The following INTS1 variants were observed in gnomAD, a reference collection of about 807,000 sequenced individuals.
INTS1 encodes the protein integrator complex subunit 1.
Under a neutral mutation model 241.6 loss-of-function variants are expected in INTS1, and 137 were observed. That is an observed-to-expected ratio of 0.57 (90% confidence interval 0.49 to 0.65). The LOEUF (loss-of-function observed/expected upper bound fraction) is 0.65. Ranked by LOEUF, INTS1 falls within the 30% of genes least tolerant of loss-of-function variation. The probability of loss-of-function intolerance (pLI) is 0.00; values close to 1 mark genes in which losing one functional copy is unlikely to be tolerated. For synonymous variants in INTS1, 1,692 were observed against 1,337.8 expected, an observed-to-expected ratio of 1.26 and a Z score of -5.78; for missense variants, 3,073 against 3,032.2, an observed-to-expected ratio of 1.01 and a Z score of -0.32.
chr7:1,494,438 G>T, intron 14 of INTS1: 1 of 329,236 alleles, frequency 3.0e-6, no homozygotes, highest in Non-Finnish European at 5.9e-6. Context: ...GAGCTGTGAG[G>T]CCAGCCGGCT....
At chr7:1,488,722 T>C (rs991174433) in intron 18 of INTS1, among the ~76,000 whole-genome samples, 4 of 152,166 alleles carry the variant, frequency 2.6e-5, no homozygotes, top group African/African-American at 7.2e-5. Context: ...CCACTGCCCT[T>C]GGTGTGGTGC....
chr7:1,473,180 G>C lies in INTS1; in HGVS notation c.5962C>G (p.Leu1988Val), dbSNP rs754715231. 2 of 1,607,742 alleles carry C rather than the reference G, an allele frequency of 1.2e-6. No individual in the cohort carries two copies. Among genetic ancestry groups the C allele is most frequent in the East Asian group, 4.5e-5 (2 of 44,816 alleles). ...ACCAGGTCACTGTTGTCGAAGGACA[G>C]GTCGCTGGGGAGAGAAGATGCTTTC... ...LQKHADPLHD[L>V]SFDNSDLVML... Residue 1988 changes from leucine to valine, a missense_variant, in exon 43 of 48, where the codon CTG becomes GTG. Leu to Val is a conservative substitution (Grantham distance 32, BLOSUM62 1). Coordinates refer to ENST00000404767, the MANE Select transcript of INTS1 (RefSeq NM_001080453.3).
At position 1,498,566 on chromosome 7, in the gene INTS1, A is replaced by G; in HGVS notation, c.1284-13T>C. 1 of 1,613,144 alleles carries G rather than the reference A, an allele frequency of 6.2e-7. No individual in the cohort carries two copies. Among genetic ancestry groups the G allele is most frequent in the East Asian group, 2.2e-5 (1 of 44,870 alleles). On this transcript the variant is annotated splice_polypyrimidine_tract_variant and intron_variant, in intron 9 of 47. Coordinates refer to ENST00000404767, the MANE Select transcript of INTS1 (RefSeq NM_001080453.3). ...GCTCAGCAGCTCCCTGGGTGAGGTG[A>G]GGGTACAGACCCTGTCCCCGCTACG...
rs775866600 is a variant in INTS1 at position 1,480,340 on chromosome 7, C to T, written c.4051G>A (p.Asp1351Asn). 2.4e-5 allele frequency: 39 copies of T among 1,610,016 alleles called. 1 individual carries two copies. In the South Asian group the frequency reaches 3.7e-4, roughly 15 times the overall value. ...TQLRVLGPED[D>N]LAGMFLQIFP... ...ACCTGGAGGAACATGCCAGCCAGGT[C>T]GTCCTCAGGGCCCAGCACCCGGAGC... is the stretch of plus-strand genomic sequence containing the variant. Residue 1351 changes from aspartate (D) to asparagine (N), a missense_variant, in exon 30 of 48, where the codon GAC becomes AAC. Asp to Asn is a conservative substitution (Grantham distance 23). Coordinates refer to ENST00000404767, the MANE Select transcript of INTS1 (RefSeq NM_001080453.3).
chr7:1,493,627 G>A lies in INTS1; in HGVS notation c.2068+127C>T, dbSNP rs980075429. On this transcript the variant is annotated intron_variant, in intron 15 of 47. Transcript: ENST00000404767. This position sits in a 1 kb window ranked among gnomAD's most constrained non-coding sequence, Gnocchi z 5.3. ...GAGAAGGCAGGTCCCCGAGCCTCCC[G>A]GGGACCCAGGACCCAGCTGAAGCGC... The A allele has an allele frequency of 1.7e-5, 22 of 1,279,378 alleles. No homozygotes were observed. Among genetic ancestry groups the A allele is most frequent in the African/African-American group, 7.6e-5 (5 of 65,844 alleles). The allele number at this position is 1,279,378 out of a possible 1,614,324, so 79.3% of individuals were successfully genotyped here.
intron 46 of INTS1, 52 bp from the exon 47 acceptor site, chr7:1,471,007 A>G: frequency 6.6e-7 from 1 of 1,520,374 alleles, no homozygotes; most frequent in Middle Eastern, 1.7e-4. Flanking sequence ...CCCACGCCAG[A>G]CCCCCACCCG....
intron 16 of INTS1, 116 bp from the exon 17 acceptor site, chr7:1,489,798 G>A (rs1782460692): frequency 1.4e-6 from 1 of 693,492 alleles, no homozygotes; most frequent in Non-Finnish European, 2.4e-6. Flanking sequence ...GCTCCTCCCG[G>A]GACTGCCCTC....
chr7:1,476,164 G>C (rs1054294911), intron 38 of INTS1, 65 bp downstream of exon 38: 10 of 1,526,122 alleles, frequency 6.6e-6, no homozygotes, highest in Admixed American at 2.0e-5. Context: ...CCCACCCAGG[G>C]CTGGGCCTCG....
rs200718471 is a variant in INTS1, at chr7:1,503,064, C to T, written c.186G>A (p.Ala62=). The change falls in exon 3 of 48, where the codon GCG becomes GCA. Residue 62 remains alanine, a synonymous_variant. Transcript: ENST00000404767. ...GGGCCGAGGCACTGGACAACGCGGC[C>T]GCCGCATCCCGCTTGCGCTCAGAAG... is the stretch of plus-strand genomic sequence containing the variant. ...GLPSERKRDA[A]AALSSASALT... 88 of 1,612,784 alleles carry T rather than the reference C, an allele frequency of 5.5e-5. No individual in the cohort carries two copies. The highest frequency in any genetic ancestry group is 4.0e-4 in the Admixed American group (24 of 59,978).
At position 1,471,653 on chromosome 7, in the gene INTS1, A is replaced by AG. The variant is rs1377052158; in HGVS notation, c.6185-13dup. On this transcript the variant is annotated splice_polypyrimidine_tract_variant and intron_variant, in intron 44 of 47. Coordinates refer to ENST00000404767, the MANE Select transcript of INTS1 (RefSeq NM_001080453.3). ...AACCTCCAGCAGATCTGACACAGAGAGAGGGCCAGACCAGAACTGAAGGGC... is the reference window on the plus strand; with the variant it reads ...AACCTCCAGCAGATCTGACACAGAGAGGAGGGCCAGACCAGAACTGAAGGGC... 6.2e-7 allele frequency: 1 copy of AG among 1,607,072 alleles called. No individual in the cohort carries two copies. The highest frequency in any genetic ancestry group is 1.4e-5 in the African/African-American group (1 of 70,584).
At position 1,470,576 on chromosome 7, in the gene INTS1, C is replaced by T. The variant is rs200645646; in HGVS notation, c.*1G>A. ...TTGGAGGGGGGTCGGCTGCCACAGG[C>T]TCACATCACGGCCTCCATATGCAGG... On this transcript the variant is annotated 3_prime_UTR_variant, in exon 48 of 48. Coordinates refer to ENST00000404767, the MANE Select transcript of INTS1 (RefSeq NM_001080453.3). 4.5e-6 allele frequency: 7 copies of T among 1,553,358 alleles called. No homozygotes were observed. Among genetic ancestry groups the T allele is most frequent in the East Asian group, 2.4e-5 (1 of 41,864 alleles).
chr7:1,504,238 G>A (rs1174475751), intron 1 of INTS1, 85 bp downstream of exon 1: 14 of 564,390 alleles, frequency 2.5e-5, no homozygotes, highest in Non-Finnish European at 3.5e-5. Context: ...AACCAGAAGG[G>A]ACGGCCCAGA....
In INTS1 at chr7:1,486,915, C is replaced by T; in HGVS notation, c.2826+7G>A. The T allele has an allele frequency of 6.3e-7, 1 of 1,591,786 alleles. No homozygotes were observed. Among genetic ancestry groups the T allele is most frequent in the South Asian group, 1.1e-5 (1 of 89,480 alleles). The stretch of plus-strand genomic sequence containing the variant: ...GGCGGGGGGGCTGAGGGGTGGGCGG[C>T]CCTGACCTGCCGCTTCTTGGCCTTC... On this transcript the variant is annotated splice_region_variant and intron_variant, in intron 21 of 47. Transcript: ENST00000404767.
rs746857576 is a variant in INTS1 at position 1,478,495 on chromosome 7, GC to G, written c.4500del (p.Leu1501SerfsTer28). 1.2e-6 allele frequency: 2 copies of G among 1,610,780 alleles called. No individual in the cohort carries two copies. The highest frequency in any genetic ancestry group is 1.7e-6 in the Non-Finnish European group (2 of 1,179,502). The part of the protein sequence containing the change: ...AGRRLSDVRG[G>X]LLRLAEALAF... Reference sequence around the variant, plus strand: ...GCCAGGGCCTCGGCCAGGCGCAGGAGCCCCCCTCGCACTGTGGGAGGTCTGT... The same window carrying G: ...GCCAGGGCCTCGGCCAGGCGCAGGAGCCCCCTCGCACTGTGGGAGGTCTGT... On this transcript the variant is annotated frameshift_variant, in exon 33 of 48. Coordinates refer to ENST00000404767, the MANE Select transcript of INTS1 (RefSeq NM_001080453.3). LOFTEE classifies it high-confidence loss of function.
At chr7:1,471,051 T>C in intron 46 of INTS1, 82 bp downstream of exon 46, 1 of 1,511,748 alleles carries the variant, frequency 6.6e-7, no homozygotes, top group Admixed American at 2.0e-5. Flanking sequence ...AAGCCTGGTC[T>C]GGCCACCAGG....
At chr7:1,471,900 T>C (rs768908215) in intron 44 of INTS1, 12 of 582,118 alleles carry the variant, frequency 2.1e-5, no homozygotes, top group Admixed American at 6.0e-5. Flanking sequence ...TAGCACCAAG[T>C]GTCCCCACGG....
chr7:1,499,207 C>G, intron 7 of INTS1, 46 bp from the exon 8 acceptor site: 2 of 1,602,588 alleles, frequency 1.2e-6, no homozygotes, highest in Non-Finnish European at 8.5e-7. Context: ...GGCCCCGAGG[C>G]GCCCGCCCCC....
chr7:1,470,649 C>G lies in INTS1; in HGVS notation c.6501G>C (p.Met2167Ile), dbSNP rs958962447. 6.3e-7 allele frequency: 1 copy of G among 1,586,238 alleles called. No homozygotes were observed. Among genetic ancestry groups the G allele is most frequent in the Non-Finnish European group, 8.6e-7 (1 of 1,167,160 alleles). The change falls in exon 48 of 48, where the codon ATG (methionine) becomes ATC (isoleucine). Residue 2167 changes from methionine to isoleucine, a missense_variant. Met to Ile is a conservative substitution (Grantham distance 10). Transcript: ENST00000404767. The stretch of plus-strand genomic sequence containing the variant: ...GCGCGCTGGGGTCCATCTGGCCGTA[C>G]ATGCCCACCAGGAAGGCCCGGTGGA... ...VLLHRAFLVG[M>I]YGQMDPSAQI...
intron 17 of INTS1, 70 bp downstream of exon 17, chr7:1,489,521 A>C (rs1298222242): frequency 6.5e-7 from 1 of 1,528,200 alleles, no homozygotes. Context: ...GTCCCAACAG[A>C]CAAACTGCCC....
Sources: gnomAD v4.1 joint callset for allele counts (sites outside exome capture counted in the v4.1 genomes callset) on GRCh38, gnomAD v4.1.1 for gene constraint, Gnocchi (gnomAD v3.1) non-coding constraint, MANE v1.5 for transcripts, NCBI Gene and HGNC (gene_info 2026-07-23, HGNC 2026-07-21) for gene names.